The following SLCO6A1 variants were observed in gnomAD, a reference collection of about 807,000 sequenced individuals.
SLCO6A1 encodes solute carrier organic anion transporter family member 6A1.
A neutral mutation model predicts 72.7 loss-of-function variants in SLCO6A1; 65 were observed. That is an observed-to-expected ratio of 0.89 (90% CI 0.73 to 1.10). The LOEUF is 1.10. Ranked by LOEUF, SLCO6A1 falls within the 50% of genes least tolerant of loss-of-function variation. The probability of loss-of-function intolerance (pLI) is 0.00; values close to 1 mark genes in which losing one functional copy is unlikely to be tolerated. For missense variants in SLCO6A1, 874 were observed against 872.6 expected, an observed-to-expected ratio of 1.00 and a Z score of -0.02; for synonymous variants, 314 against 298.2, an observed-to-expected ratio of 1.05 and a Z score of -0.55.
At chr5:102,455,014 A>AT (rs1433011267) in intron 6 of SLCO6A1, among the ~76,000 whole-genome samples, 8 of 96,362 alleles carry the variant, frequency 8.3e-5, no homozygotes, top group African/African-American at 2.5e-4. Flanking sequence ...ATAAATATAT[A>AT]TATATATATA....
intron 1 of SLCO6A1, among the ~76,000 whole-genome samples, chr5:102,497,610 A>T (rs1752966679): frequency 6.6e-6 from 1 of 152,254 alleles, no homozygotes; most frequent in South Asian, 2.1e-4. Context: ...TGCAAAAATT[A>T]TAAATGAGGA....
At chr5:102,382,530 G>A (rs1388107866) in intron 12 of SLCO6A1, among the ~76,000 whole-genome samples, 1 of 151,018 alleles carries the variant, frequency 6.6e-6, no homozygotes, top group Non-Finnish European at 1.5e-5. Context: ...AAATGTCATT[G>A]GGATTTTGAT....
rs1013020148 is a variant in SLCO6A1 at position 102,390,926 on chromosome 5, T to A, written c.1879+55A>T. The A allele has an allele frequency of 8.0e-5, 111 of 1,393,444 alleles. 1 individual carries two copies. In the Admixed American group the frequency reaches 1.8e-3, roughly 23 times the overall value. The allele number at this position is 1,393,444 out of a possible 1,614,324, so 86.3% of individuals were successfully genotyped here. ...GTAATACTAAATACACATGTAGACA[T>A]ATATACATATCAAAAAACATTTTGA... On this transcript the variant is annotated intron_variant, in intron 11 of 13. Transcript: ENST00000506729.
chr5:102,477,896 T>C, intron 2 of SLCO6A1, 35 bp from the exon 3 acceptor site: 3 of 1,547,012 alleles, frequency 1.9e-6, no homozygotes, highest in Non-Finnish European at 2.6e-6. Flanking sequence ...TTTTGTTAAT[T>C]GAACTCAAAC....
At chr5:102,372,358 T>G (rs184859623) in intron 13 of SLCO6A1, among the ~76,000 whole-genome samples, 1 of 152,052 alleles carries the variant, frequency 6.6e-6, no homozygotes, top group African/African-American at 2.4e-5. Flanking sequence ...GAGGAGAAAT[T>G]TTGTCAGCTA....
chr5:102,415,309 A>T (rs1325635708), intron 8 of SLCO6A1, among the ~76,000 whole-genome samples: 1 of 152,208 alleles, frequency 6.6e-6, no homozygotes, highest in African/African-American at 2.4e-5. Context: ...TTCAAATTAC[A>T]TTATAAGGCT....
At chr5:102,459,390 G>C (rs573109977) in intron 5 of SLCO6A1, among the ~76,000 whole-genome samples, 5 of 152,222 alleles carry the variant, frequency 3.3e-5, no homozygotes, top group South Asian at 2.1e-4. Context: ...ACTGCACTCA[G>C]CCTGAGTGAC....
intron 7 of SLCO6A1, among the ~76,000 whole-genome samples, chr5:102,434,640 A>G (rs562750352): frequency 1.1e-4 from 17 of 152,334 alleles, no homozygotes; most frequent in African/African-American, 4.1e-4. Flanking sequence ...ACTCTTGGCA[A>G]CAACGATGGG....
chr5:102,380,896 A>C (rs1002483608), intron 12 of SLCO6A1, among the ~76,000 whole-genome samples: 2 of 151,944 alleles, frequency 1.3e-5, no homozygotes, highest in African/African-American at 4.8e-5. Context: ...CTTTATTTAG[A>C]GTAAGCATGC....
chr5:102,453,236 A>G (rs1750521837), intron 6 of SLCO6A1, among the ~76,000 whole-genome samples: 1 of 151,896 alleles, frequency 6.6e-6, no homozygotes, highest in Non-Finnish European at 1.5e-5. Flanking sequence ...ATGTGCACCT[A>G]CGGTCCCAGC....
intron 9 of SLCO6A1, among the ~76,000 whole-genome samples, chr5:102,400,480 A>G (rs1436913786): frequency 2.0e-5 from 3 of 152,086 alleles, no homozygotes; most frequent in African/African-American, 4.8e-5. Flanking sequence ...GCAGTCCTGA[A>G]TGGAAAGCCA....
At chr5:102,376,300 A>G (rs1212722775) in intron 12 of SLCO6A1, among the ~76,000 whole-genome samples, 1 of 152,168 alleles carries the variant, frequency 6.6e-6, no homozygotes, top group Non-Finnish European at 1.5e-5. Context: ...AGGTGCCTAT[A>G]CTAGAGAGAA....
intron 1 of SLCO6A1, among the ~76,000 whole-genome samples, chr5:102,481,890 G>A (rs1024862652): frequency 3.3e-5 from 5 of 152,050 alleles, no homozygotes; most frequent in African/African-American, 9.7e-5. Flanking sequence ...CAATAGTTAA[G>A]CAAATATGTC....
At chr5:102,375,600 C>T (rs1453236426) in intron 12 of SLCO6A1, among the ~76,000 whole-genome samples, 1 of 152,010 alleles carries the variant, frequency 6.6e-6, no homozygotes, top group Non-Finnish European at 1.5e-5. Flanking sequence ...TTGGAATCAA[C>T]AGGTGGAAAC....
intron 9 of SLCO6A1, among the ~76,000 whole-genome samples, chr5:102,404,863 G>C (rs1226425396): frequency 1.3e-5 from 2 of 152,022 alleles, no homozygotes; most frequent in Non-Finnish European, 2.9e-5. Flanking sequence ...CAAAGAGCAA[G>C]GATGAGAAGA....
At chr5:102,402,466 G>A (rs1747452189) in intron 9 of SLCO6A1, among the ~76,000 whole-genome samples, 1 of 152,154 alleles carries the variant, frequency 6.6e-6, no homozygotes. Context: ...TGGTCTAAAA[G>A]TACTAATGAG....
chr5:102,473,834 C>T lies in SLCO6A1; in HGVS notation c.899+1863G>A, dbSNP rs1751755432. ...CACAAATATCAGTTGTGTTTCCATA[C>T]ACTGACAATGAACAGTGTACAAGGA... On this transcript the variant is annotated intron_variant, in intron 4 of 13. Coordinates refer to ENST00000506729, the MANE Select transcript of SLCO6A1 (RefSeq NM_173488.5). Among the ~76,000 whole-genome samples the T allele has an allele frequency of 3.3e-5, 5 of 151,986 alleles. No homozygotes were observed. In the South Asian group the frequency reaches 1.0e-3, roughly 32 times the overall value.
intron 9 of SLCO6A1, among the ~76,000 whole-genome samples, chr5:102,409,298 A>G (rs918073278): frequency 3.3e-5 from 5 of 152,152 alleles, no homozygotes; most frequent in Non-Finnish European, 7.4e-5. Context: ...AGTTTCATTG[A>G]AGAGCATCTA....
intron 8 of SLCO6A1, among the ~76,000 whole-genome samples, chr5:102,414,369 G>C (rs1748155417): frequency 6.6e-6 from 1 of 152,088 alleles, no homozygotes; most frequent in Non-Finnish European, 1.5e-5. Context: ...AATAGTACTG[G>C]AAGTCCTAGC....
Sources: allele counts gnomAD v4.1 joint callset (sites outside exome capture counted in the v4.1 genomes callset), GRCh38; gene constraint gnomAD v4.1.1; transcripts MANE v1.5; gene names NCBI Gene and HGNC (gene_info 2026-07-23, HGNC 2026-07-21).